Variants in ENAH observed in about 807,000 individuals in gnomAD.
ENAH encodes protein enabled homolog.
A neutral mutation model predicts 78.7 loss-of-function variants in ENAH; 23 were observed. The observed-to-expected ratio is 0.29, with a 90% CI of 0.21 to 0.41. The LOEUF is 0.41. Ranked by LOEUF, ENAH falls within the 10% of genes least tolerant of loss-of-function variation. The probability of loss-of-function intolerance (pLI) is 1.00; values close to 1 mark genes in which losing one functional copy is unlikely to be tolerated. For missense variants in ENAH, 544 were observed against 691.0 expected (o/e 0.79, Z 2.39); for synonymous variants, 226 against 241.0 (o/e 0.94, Z 0.58).
chr1:225,487,827 T>G lies in ENAH; in HGVS notation c.*9948A>C, dbSNP rs901284618. The G allele has an allele frequency of 1.3e-5, 2 of 152,212 alleles. No individual in the cohort carries two copies. Among genetic ancestry groups the G allele is most frequent in the Non-Finnish European group, 2.9e-5 (2 of 68,040 alleles). The allele number at this position is 152,212 out of a possible 1,614,324, so 9.4% of individuals were successfully genotyped here. A position where few individuals can be genotyped will look rare whatever the true frequency, so the allele number is the denominator to read the frequency against. On this transcript the variant is annotated 3_prime_UTR_variant, in exon 14 of 14. Transcript: ENST00000366843. Reference sequence around the variant, plus strand: ...GAGATTCCAATTCCAGCATATATTATGAAAGGTTATGGACTGTGACTATCC... The same window carrying G: ...GAGATTCCAATTCCAGCATATATTAGGAAAGGTTATGGACTGTGACTATCC...
At chr1:225,649,340 TC>T (rs1432071123) in intron 1 of ENAH, among the ~76,000 whole-genome samples, 1 of 151,834 alleles carries the variant, frequency 6.6e-6, no homozygotes, top group Non-Finnish European at 1.5e-5. Flanking sequence ...TTCTGAGCTC[TC>T]CTTAGCCACC....
intron 1 of ENAH, among the ~76,000 whole-genome samples, chr1:225,615,122 C>A (rs1467964660): frequency 6.6e-6 from 1 of 152,174 alleles, no homozygotes; most frequent in Non-Finnish European, 1.5e-5. Flanking sequence ...GCCGCCATCT[C>A]GGCTCACTGC....
In ENAH at chr1:225,492,131, CTG is replaced by C. The variant is rs1406526627; in HGVS notation, c.*5642_*5643del. On this transcript the variant is annotated 3_prime_UTR_variant, in exon 14 of 14. Coordinates refer to ENST00000366843, the MANE Select transcript of ENAH (RefSeq NM_018212.6). ...ACAGGTTCTCGCTCTGTCACCCAGG[CTG>C]GAGTACAGTGGCATGATAACGGCTC... is the stretch of plus-strand genomic sequence containing the variant. 2 of 148,140 alleles carry C rather than the reference CTG, an allele frequency of 1.4e-5. No individual in the cohort carries two copies. The highest frequency in any genetic ancestry group is 5.0e-5 in the African/African-American group (2 of 39,944). The allele number at this position is 148,140 out of a possible 1,614,324, so 9.2% of individuals were successfully genotyped here.
At chr1:225,607,913 T>C (rs567940703) in intron 1 of ENAH, among the ~76,000 whole-genome samples, 25 of 152,156 alleles carry the variant, frequency 1.6e-4, no homozygotes, top group Non-Finnish European at 2.8e-4. Flanking sequence ...ATGGAAAGAC[T>C]TCCCAACTTG....
At position 225,601,315 on chromosome 1, in the gene ENAH, T is replaced by C. The variant is rs552289339; in HGVS notation, c.6-33901A>G. Among the ~76,000 whole-genome samples the C allele has an allele frequency of 7.2e-5, 11 of 152,148 alleles. No homozygotes were observed. The South Asian group carries it at 1.9e-3, about 26-fold the overall frequency. On this transcript the variant is annotated intron_variant, in intron 1 of 13. Transcript: ENST00000366843. The stretch of plus-strand genomic sequence containing the variant: ...GTGGGCGGATCACGATGTCAGGAGA[T>C]TGAGACCATCCTGGCTAACAGTGAA...
intron 4 of ENAH, among the ~76,000 whole-genome samples, chr1:225,524,314 C>A (rs1486765789): frequency 6.6e-6 from 1 of 152,014 alleles, no homozygotes; most frequent in Admixed American, 6.5e-5. Context: ...ATACATTTCA[C>A]CCAGCTTTAC....
chr1:225,517,638 G>T (rs966147096), intron 5 of ENAH: 59 of 1,550,644 alleles, frequency 3.8e-5, no homozygotes, highest in Non-Finnish European at 5.1e-5. Flanking sequence ...GCGAAAAATT[G>T]GAAGTAGACC....
rs1191763820 is a variant in ENAH at position 225,494,224 on chromosome 1, G to A, written c.*3551C>T. ...GGTCTGGTCAAAGAAAAAATACAAG[G>A]ATTGTATTTTTGTATTTCTAATGAA... On this transcript the variant is annotated 3_prime_UTR_variant, in exon 14 of 14. Transcript: ENST00000366843. The A allele has an allele frequency of 6.6e-6, 1 of 151,822 alleles. No individual in the cohort carries two copies. The highest frequency in any genetic ancestry group is 1.5e-5 in the Non-Finnish European group (1 of 67,932). 9.4% of individuals were successfully genotyped at this position (151,822 alleles called of 1,614,324 possible). A position where few individuals can be genotyped will look rare whatever the true frequency, so the allele number is the denominator to read the frequency against.
intron 10 of ENAH, among the ~76,000 whole-genome samples, chr1:225,510,199 G>A (rs1293852838): frequency 3.3e-5 from 5 of 152,042 alleles, no homozygotes; most frequent in Admixed American, 2.0e-4. Flanking sequence ...TTATATATAT[G>A]ACACACACAC....
At chr1:225,535,477 A>C in intron 3 of ENAH, 1 of 1,291,334 alleles carries the variant, frequency 7.7e-7, no homozygotes, top group Non-Finnish European at 1.0e-6. Flanking sequence ...CCACAGCTTG[A>C]AAAAGTAATG....
intron 1 of ENAH, among the ~76,000 whole-genome samples, chr1:225,627,857 T>G (rs1658239961): frequency 6.6e-6 from 1 of 152,140 alleles, no homozygotes; most frequent in South Asian, 2.1e-4. Context: ...CTACCCCAGC[T>G]CTCAAGGGAA....
chr1:225,532,183 C>T (rs955296878), intron 3 of ENAH, among the ~76,000 whole-genome samples: 1 of 152,006 alleles, frequency 6.6e-6, no homozygotes, highest in African/African-American at 2.4e-5. Context: ...TTAGGCTATA[C>T]ACAAATGTTT....
chr1:225,510,359 C>T (rs1260072196), intron 10 of ENAH, among the ~76,000 whole-genome samples: 3 of 152,028 alleles, frequency 2.0e-5, no homozygotes, highest in African/African-American at 7.2e-5. Context: ...ATTTTCCTCC[C>T]TGGAAAGAGG....
Position 225,547,664 on chromosome 1 carries a change from A to T in ENAH, c.349+7242T>A, listed in dbSNP as rs561056591. On this transcript the variant is annotated intron_variant, in intron 3 of 13. Transcript: ENST00000366843. ...TGAATCTCTATCACCCAAAGGTCTC[A>T]AACGCCCTTCTTGATCACCTACCTT... Among the ~76,000 whole-genome samples the T allele has an allele frequency of 7.6e-4, 115 of 152,240 alleles. 1 individual carries two copies. The highest frequency in any genetic ancestry group is 2.6e-3 in the African/African-American group (110 of 41,550).
intron 1 of ENAH, among the ~76,000 whole-genome samples, chr1:225,605,270 G>A (rs1652788225): frequency 1.3e-5 from 2 of 152,146 alleles, no homozygotes; most frequent in Non-Finnish European, 2.9e-5. Flanking sequence ...TAAGGGGGAA[G>A]GATACAAAAC....
chr1:225,646,741 A>G (rs376883648), intron 1 of ENAH, among the ~76,000 whole-genome samples: 2 of 152,158 alleles, frequency 1.3e-5, no homozygotes, highest in African/African-American at 4.8e-5. Flanking sequence ...GTAACCTGAG[A>G]TCGAGCCGCT....
intron 11 of ENAH, among the ~76,000 whole-genome samples, chr1:225,505,786 T>C (rs1353156611): frequency 6.6e-6 from 1 of 152,134 alleles, no homozygotes. Context: ...ATCAAATCTA[T>C]CAAAAGATAT....
chr1:225,652,625 C>A (rs2148539523), intron 1 of ENAH, 61 bp downstream of exon 1: 2 of 1,257,334 alleles, frequency 1.6e-6, no homozygotes, highest in Non-Finnish European at 2.0e-6. Flanking sequence ...CCGAGGAGAA[C>A]GGGGGTCGCG....
At chr1:225,597,995 G>A (rs1000107718) in intron 1 of ENAH, among the ~76,000 whole-genome samples, 2 of 149,928 alleles carry the variant, frequency 1.3e-5, no homozygotes, top group African/African-American at 2.5e-5. Flanking sequence ...CTGTGTTACC[G>A]GAATCCTCAC....
Sources: allele counts gnomAD v4.1 joint callset (sites outside exome capture counted in the v4.1 genomes callset), GRCh38; gene constraint gnomAD v4.1.1; transcripts MANE v1.5; gene names NCBI Gene and HGNC (gene_info 2026-07-23, HGNC 2026-07-21).